Variants in TNRC6B observed in about 807,000 individuals in gnomAD.
The protein encoded by TNRC6B is trinucleotide repeat-containing gene 6B protein.
In TNRC6B, 52 loss-of-function variants were observed where a neutral mutation model predicts 203.6. The observed-to-expected ratio is 0.26, with a 90% CI of 0.20 to 0.32. The LOEUF is 0.32. Ranked by LOEUF, TNRC6B falls within the 10% of genes least tolerant of loss-of-function variation. The pLI is 1.00. For missense variants in TNRC6B, 1,923 were observed against 2,286.2 expected (o/e 0.84, Z 3.24); for synonymous variants, 838 against 845.7 (o/e 0.99, Z 0.16).
intron 4 of TNRC6B, among the ~76,000 whole-genome samples, chr22:40,156,861 G>A (rs534606646): frequency 4.6e-4 from 69 of 149,896 alleles, no homozygotes; most frequent in African/African-American, 1.6e-3. Context: ...CTGGGTTCAA[G>A]CAATTCTCCT....
intron 15 of TNRC6B, among the ~76,000 whole-genome samples, chr22:40,305,193 C>T (rs1264742379): frequency 6.6e-6 from 1 of 152,158 alleles, no homozygotes; most frequent in Admixed American, 6.5e-5. Context: ...GTTGTCCTTG[C>T]ATGAATGATA....
intron 1 of TNRC6B, among the ~76,000 whole-genome samples, chr22:40,059,822 T>G (rs935652515): frequency 2.1e-5 from 3 of 144,060 alleles, no homozygotes; most frequent in Admixed American, 1.3e-4. Flanking sequence ...TTGGTTTTTT[T>G]TTTTTTTTTT....
intron 1 of TNRC6B, among the ~76,000 whole-genome samples, chr22:40,111,479 T>C (rs536676819): frequency 6.6e-6 from 1 of 152,054 alleles, no homozygotes; most frequent in East Asian, 1.9e-4. Flanking sequence ...TTAAGAGTGG[T>C]GAGAAGCTAT....
intron 1 of TNRC6B, chr22:40,116,944 C>T (rs1007213321): frequency 1.3e-5 from 2 of 152,440 alleles, no homozygotes; most frequent in African/African-American, 4.8e-5. Context: ...GGCCTAGAAA[C>T]AATAGCTGGT....
chr22:40,296,209 G>A (rs1475781393), intron 12 of TNRC6B, among the ~76,000 whole-genome samples: 5 of 152,224 alleles, frequency 3.3e-5, no homozygotes, highest in Admixed American at 1.3e-4. Flanking sequence ...GGAGAAAGAG[G>A]CCTTAAGGGC....
intron 1 of TNRC6B, among the ~76,000 whole-genome samples, chr22:40,242,516 C>T (rs1009162690): frequency 4.0e-5 from 6 of 151,560 alleles, no homozygotes; most frequent in African/African-American, 9.7e-5. Flanking sequence ...CCGCAACCTC[C>T]GCCTCCCAGG....
At chr22:40,273,339 G>C (rs1043665643) in intron 6 of TNRC6B, 86 bp from the exon 7 acceptor site, 19 of 1,275,642 alleles carry the variant, frequency 1.5e-5, no homozygotes, top group Non-Finnish European at 2.0e-5. Context: ...ACAAAGACAC[G>C]TAAATGCTGC....
intron 16 of TNRC6B, among the ~76,000 whole-genome samples, chr22:40,310,520 C>T (rs939548349): frequency 1.3e-5 from 2 of 152,148 alleles, no homozygotes; most frequent in African/African-American, 4.8e-5. Flanking sequence ...AGTATGTGAA[C>T]GTTTCATTAA....
intron 2 of TNRC6B, among the ~76,000 whole-genome samples, chr22:40,124,734 G>A (rs2068473249): frequency 6.6e-6 from 1 of 152,026 alleles, no homozygotes; most frequent in Admixed American, 6.6e-5. Context: ...CCTCAATAGG[G>A]CCAGGAGCGG....
At chr22:40,246,139 T>TAGGC in intron 2 of TNRC6B, 37 bp downstream of exon 2, 5 of 1,455,858 alleles carry the variant, frequency 3.4e-6, no homozygotes, top group Non-Finnish European at 4.6e-6. Context: ...TTTTATCTGC[T>TAGGC]AGGCATCCAG....
At position 40,182,872 on chromosome 22, in the gene TNRC6B, T is replaced by A. The variant is rs542967502; in HGVS notation, c.5+4732T>A. On this transcript the variant is annotated intron_variant, in intron 1 of 22. Coordinates refer to ENST00000454349, the MANE Select transcript of TNRC6B (RefSeq NM_001162501.2). ...TATCTCTTCAAAATTATCTTTTGCA[T>A]TACCTCTGAGAACTTTGCAACCTGG... 2.6e-5 allele frequency among the ~76,000 whole-genome samples: 4 copies of A among 152,334 alleles called. No individual in the cohort carries two copies. The South Asian group carries it at 8.3e-4, about 32-fold the overall frequency.
At chr22:40,315,870 A>G in intron 20 of TNRC6B, 72 bp from the exon 21 acceptor site, 17 of 1,113,044 alleles carry the variant, frequency 1.5e-5, no homozygotes, top group South Asian at 2.7e-5. Context: ...CTACATGAAA[A>G]TCTTTCTCCC....
intron 1 of TNRC6B, among the ~76,000 whole-genome samples, chr22:40,226,152 TAATTC>T (rs1277810920): frequency 6.6e-6 from 1 of 152,226 alleles, no homozygotes; most frequent in African/African-American, 2.4e-5. Context: ...TTCGTCAAGG[TAATTC>T]AATTATTCAG....
At position 40,329,027 on chromosome 22, in the gene TNRC6B, A is replaced by C. The variant is rs891983825; in HGVS notation, c.*5786A>C. On this transcript the variant is annotated 3_prime_UTR_variant, in exon 23 of 23. Transcript: ENST00000454349. ...ACTTCTTAGTGTTACTGCAAAAAAAAAAAACAAAAACAAAACAAAAAAAAG... is the reference window on the plus strand; with the variant it reads ...ACTTCTTAGTGTTACTGCAAAAAAACAAAACAAAAACAAAACAAAAAAAAG... 1 of 151,620 alleles carries C rather than the reference A, an allele frequency of 6.6e-6. No individual in the cohort carries two copies. The highest frequency in any genetic ancestry group is 2.5e-5 in the African/African-American group (1 of 40,604). 9.4% of individuals were successfully genotyped at this position (151,620 alleles called of 1,614,324 possible). A position where few individuals can be genotyped will look rare whatever the true frequency, so the allele number is the denominator to read the frequency against.
intron 2 of TNRC6B, 25 bp from the exon 3 acceptor site, chr22:40,251,154 T>C: frequency 6.5e-7 from 1 of 1,526,898 alleles, no homozygotes; most frequent in Non-Finnish European, 8.8e-7. Flanking sequence ...CAAATCTCAT[T>C]TACTTTTATC....
upstream of TNRC6B, among the ~76,000 whole-genome samples, chr22:40,174,842 T>A (rs886904337): frequency 3.1e-4 from 47 of 150,926 alleles, no homozygotes; most frequent in African/African-American, 9.0e-4. Flanking sequence ...AAAAAAAAAA[T>A]TTATTTCTTT....
chr22:40,093,697 G>C (rs2068166170), intron 1 of TNRC6B, among the ~76,000 whole-genome samples: 1 of 152,220 alleles, frequency 6.6e-6, no homozygotes, highest in African/African-American at 2.4e-5. Flanking sequence ...AAGTAGAAGA[G>C]TATTTTTGAG....
intron 4 of TNRC6B, among the ~76,000 whole-genome samples, chr22:40,160,884 A>G (rs549764118): frequency 6.6e-6 from 1 of 151,982 alleles, no homozygotes; most frequent in East Asian, 1.9e-4. Context: ...GTTTTAATTT[A>G]TGTTCTTATG....
At chr22:40,148,906 C>T (rs547564791) in intron 3 of TNRC6B, among the ~76,000 whole-genome samples, 66 of 152,282 alleles carry the variant, frequency 4.3e-4, no homozygotes, top group Admixed American at 3.5e-3. Context: ...CCTCACAGCT[C>T]TCAGAGGGAA....
Sources: gnomAD v4.1 joint callset for allele counts (sites outside exome capture counted in the v4.1 genomes callset) on GRCh38, gnomAD v4.1.1 for gene constraint, MANE v1.5 for transcripts, NCBI Gene and HGNC (gene_info 2026-07-23, HGNC 2026-07-21) for gene names.